C12orf42: variants seen among roughly 807,000 people sequenced by gnomAD.
C12orf42 encodes uncharacterized protein C12orf42.
C12orf42 carries 25 observed loss-of-function variants against 21.6 expected under a neutral mutation model. That is an observed-to-expected ratio of 1.16 (90% CI 0.84 to 1.62). The LOEUF (loss-of-function observed/expected upper bound fraction) is 1.62. Ranked by LOEUF, C12orf42 falls within the 40% of genes most tolerant of loss-of-function variation. C12orf42 has a pLI of 0.00. For missense variants in C12orf42, 483 were observed against 459.3 expected (o/e 1.05, Z -0.47); for synonymous variants, 174 against 175.0 (o/e 0.99, Z 0.05).
chr12:103,262,547 T>G (rs1057019668), intron 10 of C12orf42: 3 of 152,238 alleles, frequency 2.0e-5, no homozygotes, highest in African/African-American at 7.2e-5. Context: ...TTCTTCTTTT[T>G]ATTAATTTTT....
chr12:103,240,399 A>C (rs145674996), intron 10 of C12orf42, among the ~76,000 whole-genome samples: 217 of 152,266 alleles, frequency 1.4e-3, no homozygotes, highest in African/African-American at 5.0e-3. Flanking sequence ...AAACTAAAAC[A>C]CAGGAGAGAC....
the C12orf42 span, among the ~76,000 whole-genome samples, chr12:103,535,468 G>A: frequency 1.3e-5 from 2 of 151,806 alleles, no homozygotes; most frequent in African/African-American, 4.8e-5. Flanking sequence ...TTATGGGTGT[G>A]GCTATAGTGC....
the C12orf42 span, among the ~76,000 whole-genome samples, chr12:103,216,650 A>C: frequency 5.1e-4 from 77 of 151,512 alleles, no homozygotes; most frequent in Non-Finnish European, 9.4e-4. Flanking sequence ...AGTGCTGGGA[A>C]TGGAAAACAA....
chr12:103,409,753 C>G (rs1213112945), intron 2 of C12orf42, among the ~76,000 whole-genome samples: 2 of 152,058 alleles, frequency 1.3e-5, no homozygotes, highest in East Asian at 3.9e-4. Flanking sequence ...GATATCATGT[C>G]ATGCACCTAG....
chr12:103,553,881 A>G, the C12orf42 span, among the ~76,000 whole-genome samples: 1 of 152,350 alleles, frequency 6.6e-6, no homozygotes, highest in African/African-American at 2.4e-5. Context: ...GACTCAGTCC[A>G]GGTATCCCAA....
At chr12:103,536,582 C>T in the C12orf42 span, among the ~76,000 whole-genome samples, 5 of 152,106 alleles carry the variant, frequency 3.3e-5, no homozygotes, top group East Asian at 1.9e-4. Flanking sequence ...GAGACCATCC[C>T]TCCCCCAGCC....
At chr12:103,386,923 T>C (rs917615854) in intron 3 of C12orf42, among the ~76,000 whole-genome samples, 8 of 152,150 alleles carry the variant, frequency 5.3e-5, no homozygotes, top group Non-Finnish European at 1.5e-5. Flanking sequence ...GCATGGACAG[T>C]CCCGTTAAAC....
chr12:103,208,942 C>T, the C12orf42 span, among the ~76,000 whole-genome samples: 32 of 152,258 alleles, frequency 2.1e-4, no homozygotes, highest in African/African-American at 5.1e-4. Context: ...CTCATTTTCA[C>T]AGAAACAAAG....
At chr12:103,355,016 C>T (rs563394716) in intron 4 of C12orf42, among the ~76,000 whole-genome samples, 4 of 152,036 alleles carry the variant, frequency 2.6e-5, no homozygotes, top group Non-Finnish European at 5.9e-5. Context: ...CACAGTGTAC[C>T]CCTCAAATAT....
At chr12:103,061,618 T>C in the C12orf42 span, among the ~76,000 whole-genome samples, 1 of 152,052 alleles carries the variant, frequency 6.6e-6, no homozygotes, top group African/African-American at 2.4e-5. Context: ...CTTTTATTAA[T>C]ACAAAGTATT....
chr12:103,302,401 T>G lies in C12orf42; in HGVS notation c.790A>C (p.Arg264=), dbSNP rs775982300. 17 of 1,613,742 alleles carry G rather than the reference T, an allele frequency of 1.1e-5. No homozygotes were observed. The highest frequency in any genetic ancestry group is 1.2e-5 in the Non-Finnish European group (14 of 1,179,850). ...GGATTTCCGGACGCGCCCAGGAGTC[T>G]GCTTTGGATGTCGTCGGGGTGTGCC... ...AQAHPDDIQS[R]LLGASGNPVG... Residue 264 remains arginine (R), a synonymous_variant, in exon 6 of 6, where the codon AGA becomes CGA. Coordinates refer to ENST00000548883, the MANE Select transcript of C12orf42 (RefSeq NM_198521.5).
At chr12:103,176,841 G>A in the C12orf42 span, among the ~76,000 whole-genome samples, 1 of 152,132 alleles carries the variant, frequency 6.6e-6, no homozygotes, top group African/African-American at 2.4e-5. Context: ...ACGACCATTT[G>A]TAGTTGAAAA....
At chr12:103,126,862 G>C in the C12orf42 span, among the ~76,000 whole-genome samples, 1 of 152,154 alleles carries the variant, frequency 6.6e-6, no homozygotes, top group Admixed American at 6.6e-5. Context: ...TATATAAAGG[G>C]CATGATGAGT....
chr12:103,374,929 C>T (rs142598287), intron 3 of C12orf42, among the ~76,000 whole-genome samples: 1 of 152,190 alleles, frequency 6.6e-6, no homozygotes, highest in Admixed American at 6.5e-5. Context: ...AATCTCCAAA[C>T]AAACAGTTAA....
intron 3 of C12orf42, among the ~76,000 whole-genome samples, chr12:103,372,832 C>T (rs924697840): frequency 3.3e-5 from 5 of 152,098 alleles, no homozygotes; most frequent in African/African-American, 9.7e-5. Context: ...ATACATGAGT[C>T]ATGTTGATTC....
the C12orf42 span, among the ~76,000 whole-genome samples, chr12:103,123,549 T>G: frequency 3.3e-5 from 5 of 152,092 alleles, no homozygotes; most frequent in Admixed American, 6.6e-5. Context: ...AGCATAATCA[T>G]AAAAGAAAGA....
chr12:103,083,727 CAG>C, the C12orf42 span, among the ~76,000 whole-genome samples: 13 of 152,248 alleles, frequency 8.5e-5, no homozygotes, highest in South Asian at 2.3e-3. Context: ...AACATGTGAA[CAG>C]AGTCTTTTGA....
chr12:103,403,384 A>C (rs1319292799), intron 2 of C12orf42, among the ~76,000 whole-genome samples: 3 of 152,060 alleles, frequency 2.0e-5, no homozygotes, highest in Non-Finnish European at 4.4e-5. Context: ...TCAAAAAAAA[A>C]AAAAAAAGAA....
At chr12:103,079,599 G>C in the C12orf42 span, among the ~76,000 whole-genome samples, 2,852 of 152,288 alleles carry the variant, frequency 0.019, 99 homozygotes, top group African/African-American at 0.065. Context: ...AGTTAGGATA[G>C]GTATGTTAAA....
Sources: gnomAD v4.1 joint callset for allele counts (sites outside exome capture counted in the v4.1 genomes callset) on GRCh38, gnomAD v4.1.1 for gene constraint, MANE v1.5 for transcripts, NCBI Gene and HGNC (gene_info 2026-07-23, HGNC 2026-07-21) for gene names.